The following TBC1D9 variants were observed in gnomAD, a reference collection of about 807,000 sequenced individuals.
The protein encoded by TBC1D9 is TBC1 domain family member 9, also known as TBC1 domain family member 9A.
In TBC1D9, 63 loss-of-function variants were observed where a neutral mutation model predicts 132.0. The ratio of observed to expected loss-of-function variants is 0.48; its 90% CI spans 0.39 to 0.59. The LOEUF (loss-of-function observed/expected upper bound fraction) is 0.59. TBC1D9 is among the 20% of genes least tolerant of loss of function. TBC1D9 has a pLI of 0.00. For synonymous variants in TBC1D9, 610 were observed against 609.9 expected, an observed-to-expected ratio of 1.00 and a Z score of 0.00; for missense variants, 1,261 against 1,592.7, an observed-to-expected ratio of 0.79 and a Z score of 3.54.
intron 16 of TBC1D9, 24 bp downstream of exon 16, chr4:140,633,924 C>A (rs754305661): frequency 6.2e-7 from 1 of 1,611,858 alleles, no homozygotes; most frequent in Non-Finnish European, 8.5e-7. Context: ...CATCCCAACT[C>A]ATGCAATAGT....
chr4:140,737,456 C>G (rs940652991), intron 1 of TBC1D9, among the ~76,000 whole-genome samples: 2 of 151,658 alleles, frequency 1.3e-5, no homozygotes, highest in Non-Finnish European at 2.9e-5. Flanking sequence ...CTCTCTCTCT[C>G]TCTCTCTCTC....
chr4:140,743,313 G>C (rs894254094), intron 1 of TBC1D9, among the ~76,000 whole-genome samples: 1 of 152,192 alleles, frequency 6.6e-6, no homozygotes, highest in Non-Finnish European at 1.5e-5. Context: ...GGAGGACAAT[G>C]ATGGGACAAT....
intron 15 of TBC1D9, among the ~76,000 whole-genome samples, chr4:140,637,098 TC>T (rs1736892854): frequency 6.6e-6 from 1 of 152,144 alleles, no homozygotes; most frequent in Non-Finnish European, 1.5e-5. Flanking sequence ...ATGCCTGTAA[TC>T]CCAGCACTTT....
chr4:140,642,525 C>T, intron 13 of TBC1D9: 1 of 1,160,248 alleles, frequency 8.6e-7, no homozygotes, highest in Non-Finnish European at 1.3e-6. Flanking sequence ...GTGACTTCAA[C>T]TTGTCCTGCT....
intron 13 of TBC1D9, chr4:140,642,987 C>T: frequency 1.4e-6 from 1 of 703,970 alleles, no homozygotes. Flanking sequence ...CCGCCACATT[C>T]TGAAGTCCAG....
chr4:140,656,662 A>G (rs573047789), intron 13 of TBC1D9, among the ~76,000 whole-genome samples: 1 of 152,296 alleles, frequency 6.6e-6, no homozygotes, highest in Admixed American at 6.5e-5. Context: ...ATGTACTTTC[A>G]TGCTTTCCTT....
intron 2 of TBC1D9, among the ~76,000 whole-genome samples, chr4:140,690,269 A>C (rs1331965522): frequency 1.3e-5 from 2 of 152,092 alleles, no homozygotes; most frequent in Non-Finnish European, 2.9e-5. Context: ...CAGGTTTACT[A>C]TCATTGTTTC....
intron 1 of TBC1D9, among the ~76,000 whole-genome samples, chr4:140,705,883 C>G (rs1006079980): frequency 7.2e-5 from 11 of 152,236 alleles, no homozygotes; most frequent in Admixed American, 7.2e-4. Context: ...AATCAAATTA[C>G]AGCCCTCAAA....
At position 140,622,644 on chromosome 4, in the gene TBC1D9, C is replaced by T; in HGVS notation, c.3352G>A (p.Ala1118Thr). 1 of 1,610,608 alleles carries T rather than the reference C, an allele frequency of 6.2e-7. No homozygotes were observed. Among genetic ancestry groups the T allele is most frequent in the Non-Finnish European group, 8.5e-7 (1 of 1,178,000 alleles). The stretch of plus-strand genomic sequence containing the variant: ...AGGGAGTGTTCCTCGCTGTCGGGGG[C>T]CAGGCTGGCCGGCAGGGGCTCAACA... ...ESVEPLPASL[A>T]PDSEEHSLGG... Residue 1118 changes from alanine to threonine, a missense_variant, in exon 21 of 21, where the codon GCC becomes ACC. By Grantham distance (58) the Ala-to-Thr change is moderately conservative (BLOSUM62 0). Transcript: ENST00000442267.
At position 140,644,669 on chromosome 4, in the gene TBC1D9, G is replaced by A. The variant is rs1237026343; in HGVS notation, c.2338-5241C>T. 6 of 419,058 alleles carry A rather than the reference G, an allele frequency of 1.4e-5. No homozygotes were observed. The East Asian group carries it at 2.8e-4, about 19-fold the overall frequency. 26.0% of individuals were successfully genotyped at this position (419,058 alleles called of 1,614,324 possible). On this transcript the variant is annotated intron_variant, in intron 13 of 20. Coordinates refer to ENST00000442267, the MANE Select transcript of TBC1D9 (RefSeq NM_015130.3). ...TGCAGTTCCAGGGCCTGGGCCGCCC[G>A]CTGCTGCAGGTACAGGAACTCCTGC...
intron 1 of TBC1D9, among the ~76,000 whole-genome samples, chr4:140,719,953 T>C (rs1174235124): frequency 2.0e-5 from 3 of 152,202 alleles, no homozygotes; most frequent in Non-Finnish European, 4.4e-5. Context: ...GGTCATGACC[T>C]TGGGGCAAGC....
rs1042337187 is a variant in TBC1D9 at position 140,706,485 on chromosome 4, C to T, written c.131-4871G>A. 2.0e-5 allele frequency among the ~76,000 whole-genome samples: 3 copies of T among 151,956 alleles called. No homozygotes were observed. The highest frequency in any genetic ancestry group is 7.2e-5 in the African/African-American group (3 of 41,380). On this transcript the variant is annotated intron_variant, in intron 1 of 20. Transcript: ENST00000442267. This position sits in a 1 kb window ranked among gnomAD's most constrained non-coding sequence, Gnocchi z 4.0. ...AATCATTCAAAACAATAGAAAAGTA[C>T]AGGAAATTACAAAATACATGTACCA...
Position 140,670,647 on chromosome 4 carries a change from G to C in TBC1D9, c.1266+73C>G, listed in dbSNP as rs890838233. The C allele has an allele frequency of 1.3e-5, 16 of 1,259,138 alleles. No individual in the cohort carries two copies. The African/African-American group carries it at 2.4e-4, about 19-fold the overall frequency. The allele number at this position is 1,259,138 out of a possible 1,614,324, so 78.0% of individuals were successfully genotyped here. ...GCAAAGCTTGAAGATCAAACAAAAT[G>C]GGCAAGGAACTGAACACACTTGGGC... On this transcript the variant is annotated intron_variant, in intron 7 of 20. Transcript: ENST00000442267.
chr4:140,719,885 A>G (rs756372415), intron 1 of TBC1D9, among the ~76,000 whole-genome samples: 20 of 152,150 alleles, frequency 1.3e-4, no homozygotes, highest in Non-Finnish European at 2.5e-4. Flanking sequence ...GTAGCTTTTC[A>G]AAACCACAGG....
intron 6 of TBC1D9, among the ~76,000 whole-genome samples, chr4:140,671,842 G>C (rs1004135229): frequency 2.6e-5 from 4 of 152,060 alleles, no homozygotes; most frequent in African/African-American, 9.7e-5. Context: ...TAGCACATTA[G>C]AAAACAAATC....
rs1461041154 is a variant in TBC1D9, at chr4:140,622,365, T to C, written c.3631A>G (p.Ile1211Val). ...RSTSLDRDWA[I>V]TFEQFLASLL... Reference sequence around the variant, plus strand: ...GAGGCCAGGAACTGCTCGAAGGTGATGGCCCAGTCCCGGTCCAGGCTGGTG... The same window carrying C: ...GAGGCCAGGAACTGCTCGAAGGTGACGGCCCAGTCCCGGTCCAGGCTGGTG... Residue 1211 changes from isoleucine (I) to valine (V), a missense_variant, in exon 21 of 21, where the codon ATC (isoleucine) becomes GTC (valine). Transcript: ENST00000442267. 2 of 1,613,360 alleles carry C rather than the reference T, an allele frequency of 1.2e-6. No homozygotes were observed. Among genetic ancestry groups the C allele is most frequent in the East Asian group, 2.2e-5 (1 of 44,862 alleles).
chr4:140,693,333 T>C (rs919569951), intron 2 of TBC1D9, among the ~76,000 whole-genome samples: 11 of 152,116 alleles, frequency 7.2e-5, no homozygotes, highest in African/African-American at 2.4e-4. Context: ...TGAGTATGAA[T>C]AAAGGTTAAA....
intron 1 of TBC1D9, among the ~76,000 whole-genome samples, chr4:140,711,635 T>C (rs575230120): frequency 6.6e-6 from 1 of 152,342 alleles, no homozygotes; most frequent in East Asian, 1.9e-4. Flanking sequence ...CAAAATTACA[T>C]TTAGGTAATG....
At chr4:140,755,220 T>C (rs1240651195) in intron 1 of TBC1D9, among the ~76,000 whole-genome samples, 1 of 152,228 alleles carries the variant, frequency 6.6e-6, no homozygotes, top group Non-Finnish European at 1.5e-5. Context: ...CTGATCTTAT[T>C]ATCCTGAATG....
Sources: gnomAD v4.1 joint callset for allele counts (sites outside exome capture counted in the v4.1 genomes callset) on GRCh38, gnomAD v4.1.1 for gene constraint, Gnocchi (gnomAD v3.1) non-coding constraint, MANE v1.5 for transcripts, NCBI Gene and HGNC (gene_info 2026-07-23, HGNC 2026-07-21) for gene names.